ATOSA: variants seen among roughly 807,000 people sequenced by gnomAD.
ATOSA encodes atos homolog protein A.
At chr15:52,605,142 A>C in the ATOSA span, 3 of 1,607,246 alleles carry the variant, frequency 1.9e-6, no homozygotes, top group Non-Finnish European at 2.5e-6. Flanking sequence ...CAGGGCTTGA[A>C]AGAAGAGGCA....
chr15:52,676,190 A>G, the ATOSA span, among the ~76,000 whole-genome samples: 1 of 152,250 alleles, frequency 6.6e-6, no homozygotes, highest in African/African-American at 2.4e-5. Flanking sequence ...TGACGTTTAA[A>G]AAGTTTCAAT....
the ATOSA span, among the ~76,000 whole-genome samples, chr15:52,670,300 C>G: frequency 6.6e-6 from 1 of 152,208 alleles, no homozygotes; most frequent in Non-Finnish European, 1.5e-5. Flanking sequence ...ATTTAGCAAT[C>G]CCTACCCAGT....
chr15:52,685,214 GC>G, the ATOSA span, among the ~76,000 whole-genome samples: 2 of 152,154 alleles, frequency 1.3e-5, no homozygotes, highest in African/African-American at 4.8e-5. Flanking sequence ...CAAATTCTGT[GC>G]TTAGGAAACT....
At chr15:52,700,623 TGCTA>T in the ATOSA span, among the ~76,000 whole-genome samples, 1 of 152,240 alleles carries the variant, frequency 6.6e-6, no homozygotes, top group Non-Finnish European at 1.5e-5. Flanking sequence ...CTTAAGGAAG[TGCTA>T]TCTAGCAAAC....
the ATOSA span, among the ~76,000 whole-genome samples, chr15:52,625,700 T>C: frequency 1.1e-5 from 1 of 94,214 alleles, no homozygotes; most frequent in East Asian, 2.0e-4. Flanking sequence ...AGGTGCCATC[T>C]TAAAAAAAAG....
At chr15:52,662,003 C>T in the ATOSA span, among the ~76,000 whole-genome samples, 3 of 150,066 alleles carry the variant, frequency 2.0e-5, no homozygotes, top group Non-Finnish European at 3.0e-5. Context: ...CAGAAGGAAC[C>T]TCCAAAATTA....
chr15:52,594,860 A>AAAAGTGGTAG, the ATOSA span, among the ~76,000 whole-genome samples: 1 of 152,190 alleles, frequency 6.6e-6, no homozygotes, highest in East Asian at 1.9e-4. Context: ...TTTTGAAAAA[A>AAAAGTGGTAG]GCCTTATAGT....
the ATOSA span, among the ~76,000 whole-genome samples, chr15:52,619,778 C>A: frequency 6.6e-6 from 1 of 151,468 alleles, no homozygotes; most frequent in Non-Finnish European, 1.5e-5. Flanking sequence ...TTGCAGTGAA[C>A]TGAGATTGCA....
chr15:52,597,150 A>ATTCTGTTCTG, the ATOSA span, among the ~76,000 whole-genome samples: 114 of 41,642 alleles, frequency 2.7e-3, 1 homozygote, highest in Non-Finnish European at 3.7e-3. Flanking sequence ...ATTCTATTTT[A>ATTCTGTTCTG]TTCTGTTCTG....
chr15:52,634,139 G>C, the ATOSA span, among the ~76,000 whole-genome samples: 1 of 152,030 alleles, frequency 6.6e-6, no homozygotes, highest in African/African-American at 2.4e-5. Flanking sequence ...GTCAGAAAAA[G>C]CATGAAAAAG....
At chr15:52,610,133 T>G in the ATOSA span, 4 of 1,614,068 alleles carry the variant, frequency 2.5e-6, no homozygotes, top group Non-Finnish European at 3.4e-6. Flanking sequence ...GAACTGTTTG[T>G]ACCACATTGT....
chr15:52,608,280 A>C, the ATOSA span, among the ~76,000 whole-genome samples: 1 of 152,204 alleles, frequency 6.6e-6, no homozygotes, highest in Non-Finnish European at 1.5e-5. Flanking sequence ...TAGACCTAAC[A>C]TGTCATGAAA....
chr15:52,686,108 G>C, the ATOSA span, among the ~76,000 whole-genome samples: 14 of 152,200 alleles, frequency 9.2e-5, no homozygotes, highest in Admixed American at 6.5e-4. Flanking sequence ...TACCCAAACA[G>C]TGTGAGCTAT....
At chr15:52,609,340 T>C in the ATOSA span, 69 of 1,613,880 alleles carry the variant, frequency 4.3e-5, no homozygotes, top group Non-Finnish European at 5.3e-5. Context: ...TTTGTCTTCA[T>C]ATGAACTCCT....
chr15:52,652,110 G>A, the ATOSA span: 1 of 1,383,812 alleles, frequency 7.2e-7, no homozygotes, highest in Non-Finnish European at 9.3e-7. Context: ...TTGGACAGAG[G>A]GTGTGCTCAA....
the ATOSA span, among the ~76,000 whole-genome samples, chr15:52,617,220 C>G: frequency 6.6e-6 from 1 of 152,218 alleles, no homozygotes; most frequent in Admixed American, 6.5e-5. Flanking sequence ...AGAAAGTGAT[C>G]TCCTCTCTCC....
chr15:52,616,769 C>T, the ATOSA span, among the ~76,000 whole-genome samples: 8 of 152,150 alleles, frequency 5.3e-5, no homozygotes, highest in Non-Finnish European at 8.8e-5. Context: ...TGACCATAGA[C>T]TGCCATGGGC....
the ATOSA span, among the ~76,000 whole-genome samples, chr15:52,708,284 T>C: frequency 7.9e-5 from 12 of 152,214 alleles, no homozygotes; most frequent in East Asian, 2.3e-3. Context: ...GGGACTTTCC[T>C]TCAGGTTCCA....
chr15:52,673,496 T>C, the ATOSA span, among the ~76,000 whole-genome samples: 1 of 152,230 alleles, frequency 6.6e-6, no homozygotes, highest in African/African-American at 2.4e-5. Context: ...AAAACAGAGA[T>C]GACAATAGCA....
Sources: allele counts gnomAD v4.1 joint callset (sites outside exome capture counted in the v4.1 genomes callset), GRCh38; gene constraint gnomAD v4.1.1; transcripts MANE v1.5; gene names NCBI Gene and HGNC (gene_info 2026-07-23, HGNC 2026-07-21).